Variants in CTNNBL1 observed in about 807,000 individuals in gnomAD.
CTNNBL1 encodes the protein catenin beta like 1.
In CTNNBL1, 31 loss-of-function variants were observed where a neutral mutation model predicts 72.7. The ratio of observed to expected loss-of-function variants is 0.43; its 90% CI spans 0.32 to 0.58. The LOEUF (loss-of-function observed/expected upper bound fraction) is 0.58, where lower values mean the gene tolerates loss of function less well. Among genes scored for constraint, CTNNBL1 ranks in the 20% least tolerant of loss-of-function variants. The pLI is 0.08. For missense variants in CTNNBL1, 534 were observed against 725.1 expected (o/e 0.74, Z 3.03); for synonymous variants, 240 against 267.3 (o/e 0.90, Z 1.00).
chr20:37,694,212 C>T, intron 1 of CTNNBL1, 60 bp downstream of exon 1: 1 of 1,471,936 alleles, frequency 6.8e-7, no homozygotes, highest in Non-Finnish European at 9.1e-7. Context: ...GTCGCAGGAG[C>T]CAGAGCCCTT....
intron 11 of CTNNBL1, among the ~76,000 whole-genome samples, chr20:37,829,403 A>C (rs1245252224): frequency 6.6e-6 from 1 of 152,134 alleles, no homozygotes; most frequent in Non-Finnish European, 1.5e-5. Context: ...TGAGCTGTGG[A>C]AGGCAGGTGC....
chr20:37,851,178 CA>C (rs2072393852), intron 13 of CTNNBL1, among the ~76,000 whole-genome samples: 1 of 152,236 alleles, frequency 6.6e-6, no homozygotes, highest in African/African-American at 2.4e-5. Context: ...TTTATTTTAG[CA>C]GCCCCTAAAC....
intron 3 of CTNNBL1, among the ~76,000 whole-genome samples, chr20:37,745,028 G>C (rs1390399113): frequency 1.3e-5 from 2 of 152,106 alleles, no homozygotes; most frequent in African/African-American, 4.8e-5. Flanking sequence ...TTGGTTAGTA[G>C]GCTTATGGAT....
intron 15 of CTNNBL1, among the ~76,000 whole-genome samples, chr20:37,861,284 C>G (rs916116893): frequency 3.9e-5 from 6 of 152,198 alleles, no homozygotes; most frequent in African/African-American, 7.2e-5. Context: ...TTGACTGGAC[C>G]TGACTCAGCT....
chr20:37,829,184 G>C (rs1315317410), intron 11 of CTNNBL1, among the ~76,000 whole-genome samples: 1 of 151,954 alleles, frequency 6.6e-6, no homozygotes, highest in Non-Finnish European at 1.5e-5. Flanking sequence ...AGTGAGAGAA[G>C]AACACTGCTG....
chr20:37,849,909 C>T (rs542169528), intron 13 of CTNNBL1, among the ~76,000 whole-genome samples: 33 of 152,328 alleles, frequency 2.2e-4, no homozygotes, highest in Non-Finnish European at 3.8e-4. Context: ...GATTGTGGGG[C>T]GGATTAAGTA....
intron 1 of CTNNBL1, among the ~76,000 whole-genome samples, chr20:37,728,673 G>A (rs1474242513): frequency 1.3e-5 from 2 of 152,088 alleles, no homozygotes; most frequent in African/African-American, 4.8e-5. Context: ...TTTGCCTTTA[G>A]AAGAGAATGT....
At chr20:37,791,340 T>G (rs2073723906) in intron 10 of CTNNBL1, among the ~76,000 whole-genome samples, 1 of 152,228 alleles carries the variant, frequency 6.6e-6, no homozygotes, top group Admixed American at 6.5e-5. Context: ...TACAAAATGG[T>G]TATAGCATTT....
intron 4 of CTNNBL1, among the ~76,000 whole-genome samples, chr20:37,754,669 A>G (rs1471472212): frequency 6.6e-6 from 1 of 152,214 alleles, no homozygotes; most frequent in Non-Finnish European, 1.5e-5. Context: ...GTCAATAGCT[A>G]GAATTAACCT....
chr20:37,694,961 C>A (rs890356063), intron 1 of CTNNBL1: 1 of 152,154 alleles, frequency 6.6e-6, no homozygotes, highest in Non-Finnish European at 1.5e-5. Flanking sequence ...AGCTGCACTG[C>A]CGAATGTCGT....
chr20:37,857,798 C>T (rs1470713820), intron 13 of CTNNBL1, among the ~76,000 whole-genome samples: 1 of 151,928 alleles, frequency 6.6e-6, no homozygotes, highest in Non-Finnish European at 1.5e-5. Context: ...TTGTTGCCAT[C>T]AGAAGCATGT....
At chr20:37,834,208 C>G (rs2072236159) in intron 11 of CTNNBL1, among the ~76,000 whole-genome samples, 1 of 151,852 alleles carries the variant, frequency 6.6e-6, no homozygotes, top group South Asian at 2.1e-4. Flanking sequence ...CTGATACCCT[C>G]TCTGTGCCAC....
chr20:37,736,670 A>T (rs2073174460), intron 2 of CTNNBL1, among the ~76,000 whole-genome samples: 1 of 151,950 alleles, frequency 6.6e-6, no homozygotes, highest in Admixed American at 6.6e-5. Context: ...CCTCCCGAGT[A>T]GCTGGGACTA....
intron 1 of CTNNBL1, among the ~76,000 whole-genome samples, chr20:37,730,002 A>G (rs575363194): frequency 1.5e-4 from 23 of 152,210 alleles, no homozygotes; most frequent in Non-Finnish European, 3.4e-4. Context: ...GAAAAATAGC[A>G]GGTGGTACCC....
intron 4 of CTNNBL1, chr20:37,756,197 CTG>C (rs1283133576): frequency 6.6e-6 from 1 of 152,200 alleles, no homozygotes; most frequent in African/African-American, 2.4e-5. Context: ...TTCATATTGT[CTG>C]TGTGTATTCT....
chr20:37,815,340 G>A (rs538151311), intron 11 of CTNNBL1, among the ~76,000 whole-genome samples: 15 of 148,556 alleles, frequency 1.0e-4, no homozygotes, highest in African/African-American at 2.2e-4. Context: ...TTTCTGAGAT[G>A]GAGTTGCACA....
intron 3 of CTNNBL1, among the ~76,000 whole-genome samples, chr20:37,738,623 A>C (rs1260153556): frequency 6.6e-6 from 1 of 152,210 alleles, no homozygotes; most frequent in African/African-American, 2.4e-5. Flanking sequence ...TTTGCACTCA[A>C]GTTTTTAGGT....
At chr20:37,802,807 T>C (rs2073833389) in intron 10 of CTNNBL1, 60 bp from the exon 11 acceptor site, 2 of 1,410,328 alleles carry the variant, frequency 1.4e-6, no homozygotes, top group African/African-American at 2.9e-5. Context: ...ACCCTTTTTT[T>C]TTTTTAAGCT....
chr20:37,720,719 T>C (rs1468130895), intron 1 of CTNNBL1, among the ~76,000 whole-genome samples: 1 of 152,130 alleles, frequency 6.6e-6, no homozygotes, highest in Non-Finnish European at 1.5e-5. Context: ...TTCACTTTAG[T>C]GAGTATATAT....
Sources: allele counts gnomAD v4.1 joint callset (sites outside exome capture counted in the v4.1 genomes callset), GRCh38; gene constraint gnomAD v4.1.1; transcripts MANE v1.5; gene names NCBI Gene and HGNC (gene_info 2026-07-23, HGNC 2026-07-21).